CADM2: variants seen among roughly 807,000 people sequenced by gnomAD.
CADM2 encodes cell adhesion molecule 2, also known as immunoglobulin superfamily member 4D.
Under a neutral mutation model 49.8 loss-of-function variants are expected in CADM2, and 12 were observed. That is an observed-to-expected ratio of 0.24 (90% CI 0.15 to 0.39). The LOEUF (loss-of-function observed/expected upper bound fraction) is 0.39. Among genes scored for constraint, CADM2 ranks in the 10% least tolerant of loss-of-function variants. The pLI is 1.00. For missense variants in CADM2, 378 were observed against 492.3 expected, an observed-to-expected ratio of 0.77 and a Z score of 2.20; for synonymous variants, 214 against 175.4, an observed-to-expected ratio of 1.22 and a Z score of -1.74.
At chr3:85,298,326 A>G (rs1169399396) in intron 1 of CADM2, among the ~76,000 whole-genome samples, 1 of 152,090 alleles carries the variant, frequency 6.6e-6, no homozygotes, top group Non-Finnish European at 1.5e-5. Flanking sequence ...TAGGAAGGTG[A>G]GACTTCAATT....
At chr3:85,590,641 G>T (rs1479972598) in intron 1 of CADM2, among the ~76,000 whole-genome samples, 1 of 151,750 alleles carries the variant, frequency 6.6e-6, no homozygotes, top group African/African-American at 2.4e-5. Flanking sequence ...AAACATTTAG[G>T]GACAAGAATT....
intron 1 of CADM2, among the ~76,000 whole-genome samples, chr3:85,655,726 C>G (rs1441514157): frequency 6.6e-6 from 1 of 152,130 alleles, no homozygotes; most frequent in Non-Finnish European, 1.5e-5. Context: ...CCAGCAGAAG[C>G]TAGTGACTCT....
chr3:85,062,166 G>A (rs2036355221), intron 1 of CADM2, among the ~76,000 whole-genome samples: 1 of 151,558 alleles, frequency 6.6e-6, no homozygotes, highest in Non-Finnish European at 1.5e-5. Context: ...TGTTTCCAAA[G>A]TTCTAGACAT....
intron 1 of CADM2, among the ~76,000 whole-genome samples, chr3:85,420,080 G>A (rs1378580401): frequency 2.6e-5 from 4 of 152,188 alleles, no homozygotes; most frequent in Non-Finnish European, 5.9e-5. Flanking sequence ...TCACAGTGGG[G>A]AGAGATTCCA....
chr3:85,287,474 A>T (rs2043662303), intron 1 of CADM2, among the ~76,000 whole-genome samples: 1 of 152,114 alleles, frequency 6.6e-6, no homozygotes, highest in East Asian at 1.9e-4. Context: ...CAGCTTGCTA[A>T]TTATGATAAT....
chr3:85,007,668 C>T (rs543256810), intron 1 of CADM2, among the ~76,000 whole-genome samples: 146 of 152,222 alleles, frequency 9.6e-4, no homozygotes, highest in Admixed American at 1.6e-3. Context: ...ATGAAGAGTT[C>T]TGAACACAAA....
intron 1 of CADM2, among the ~76,000 whole-genome samples, chr3:85,393,931 C>T (rs1436839452): frequency 6.6e-6 from 1 of 152,032 alleles, no homozygotes; most frequent in Non-Finnish European, 1.5e-5. Flanking sequence ...CTCAGCCTCC[C>T]GAGTAGCTGG....
intron 8 of CADM2, among the ~76,000 whole-genome samples, chr3:86,032,912 G>T (rs1007631821): frequency 1.3e-5 from 2 of 151,652 alleles, no homozygotes; most frequent in African/African-American, 2.4e-5. Context: ...TTCCTGAAAA[G>T]GTTGAAGTTC....
chr3:85,798,171 C>G (rs556159748), intron 2 of CADM2, among the ~76,000 whole-genome samples: 2 of 152,050 alleles, frequency 1.3e-5, no homozygotes, highest in East Asian at 3.9e-4. Flanking sequence ...GATATTAGAC[C>G]TTTGTCAGAT....
chr3:85,581,127 T>C (rs1312531072), intron 1 of CADM2, among the ~76,000 whole-genome samples: 2 of 152,168 alleles, frequency 1.3e-5, no homozygotes, highest in African/African-American at 4.8e-5. Context: ...GAAACATGCC[T>C]AATTTTTAAA....
intron 1 of CADM2, among the ~76,000 whole-genome samples, chr3:85,582,168 C>T (rs2107300586): frequency 6.6e-6 from 1 of 152,190 alleles, no homozygotes; most frequent in Admixed American, 6.6e-5. Flanking sequence ...TCATGATCCG[C>T]CTGCCTCAGC....
chr3:85,028,212 A>G (rs181598517), intron 1 of CADM2, among the ~76,000 whole-genome samples: 201 of 152,314 alleles, frequency 1.3e-3, no homozygotes, highest in Non-Finnish European at 2.4e-3. Flanking sequence ...ATGCTGTCAT[A>G]GCTACACAAT....
intron 1 of CADM2, among the ~76,000 whole-genome samples, chr3:85,650,651 C>T (rs183837404): frequency 1.4e-3 from 211 of 151,822 alleles, no homozygotes; most frequent in South Asian, 3.5e-3. Context: ...GAATCAGGAA[C>T]TCTGGGAATT....
rs146645035 is a variant in CADM2, at chr3:85,777,556, C to T, written c.89-24491C>T. ...AGCATGAGCCACTGCACCTGGCCTG[C>T]TATATTTTAAACTCAGGTTTTCATG... is the stretch of plus-strand genomic sequence containing the variant. On this transcript the variant is annotated intron_variant, in intron 2 of 9. Coordinates refer to ENST00000383699, the MANE Select transcript of CADM2 (RefSeq NM_001167675.2). Among the ~76,000 whole-genome samples the T allele has an allele frequency of 4.6e-3, 699 of 152,136 alleles. 11 individuals carry two copies. Among genetic ancestry groups the T allele is most frequent in the African/African-American group, 0.014 (596 of 41,528 alleles).
At chr3:85,398,225 C>T (rs56830678) in intron 1 of CADM2, among the ~76,000 whole-genome samples, 26 of 151,792 alleles carry the variant, frequency 1.7e-4, no homozygotes, top group Middle Eastern at 3.4e-3. Context: ...TCTCATTGTT[C>T]GATTCCCACC....
intron 1 of CADM2, among the ~76,000 whole-genome samples, chr3:85,432,304 G>A (rs2036717906): frequency 6.6e-6 from 1 of 151,834 alleles, no homozygotes. Context: ...GTGTTGGAAG[G>A]AATGTATAGA....
intron 1 of CADM2, among the ~76,000 whole-genome samples, chr3:85,081,212 T>C (rs1441557422): frequency 6.6e-6 from 1 of 152,202 alleles, no homozygotes; most frequent in Non-Finnish European, 1.5e-5. Flanking sequence ...TTGATGTTCC[T>C]GTTAAGTTGG....
At chr3:85,010,419 TAAAATG>T in intron 1 of CADM2, among the ~76,000 whole-genome samples, 1 of 152,284 alleles carries the variant, frequency 6.6e-6, no homozygotes, top group Admixed American at 6.5e-5. Flanking sequence ...GCTAGCACTA[TAAAATG>T]AACAGAATAA....
At chr3:86,020,832 G>A (rs1452568980) in intron 8 of CADM2, among the ~76,000 whole-genome samples, 16 of 152,000 alleles carry the variant, frequency 1.1e-4, no homozygotes, top group Non-Finnish European at 1.8e-4. Flanking sequence ...TTGATGGGAC[G>A]TATTTCAAAA....
Sources: gnomAD v4.1 joint callset for allele counts (sites outside exome capture counted in the v4.1 genomes callset) on GRCh38, gnomAD v4.1.1 for gene constraint, MANE v1.5 for transcripts, NCBI Gene and HGNC (gene_info 2026-07-23, HGNC 2026-07-21) for gene names.